The following SERHL2 variants were observed in gnomAD, a reference collection of about 807,000 sequenced individuals.
SERHL2 encodes the protein serine hydrolase like 2.
SERHL2 carries 29 observed loss-of-function variants against 25.5 expected under a neutral mutation model. The ratio of observed to expected loss-of-function variants is 1.14; its 90% CI spans 0.85 to 1.55. SERHL2 has a LOEUF of 1.55. SERHL2 is among the 40% of genes most tolerant of loss of function. The pLI, the probability that SERHL2 is intolerant of heterozygous loss-of-function variation, is 0.00. For synonymous variants in SERHL2, 95 were observed against 103.5 expected (o/e 0.92, Z 0.50); for missense variants, 240 against 252.3 (o/e 0.95, Z 0.33).
chr22:42,553,979 G>A lies in SERHL2; in HGVS notation c.-42G>A, dbSNP rs1382022606. ...TCACTCTGCTCCTGCGACCTAGCCAGGCGTGAGGGAGTGACAGCAGCGCAT... is the reference window on the plus strand; with the variant it reads ...TCACTCTGCTCCTGCGACCTAGCCAAGCGTGAGGGAGTGACAGCAGCGCAT... On this transcript the variant is annotated 5_prime_UTR_variant, in exon 1 of 12. Transcript: ENST00000327678. 3 of 1,612,590 alleles carry A rather than the reference G, an allele frequency of 1.9e-6. No homozygotes were observed. Among genetic ancestry groups the A allele is most frequent in the Non-Finnish European group, 1.7e-6 (2 of 1,179,074 alleles).
intron 10 of SERHL2, chr22:42,571,488 C>T (rs1021016155): frequency 6.4e-6 from 8 of 1,250,670 alleles, no homozygotes; most frequent in Admixed American, 3.3e-5. Context: ...CCAGTGAGCC[C>T]AGTCTCGGCT....
chr22:42,554,192 C>T (rs940168304), intron 1 of SERHL2, 150 bp downstream of exon 1: 3 of 974,570 alleles, frequency 3.1e-6, no homozygotes, highest in African/African-American at 1.6e-5. Flanking sequence ...GGCATGAGAG[C>T]GCGACCGGCC....
chr22:42,553,982 G>T lies in SERHL2; in HGVS notation c.-39G>T. 2 of 1,612,734 alleles carry T rather than the reference G, an allele frequency of 1.2e-6. No individual in the cohort carries two copies. The highest frequency in any genetic ancestry group is 1.7e-6 in the Non-Finnish European group (2 of 1,179,176). Reference sequence around the variant, plus strand: ...CTCTGCTCCTGCGACCTAGCCAGGCGTGAGGGAGTGACAGCAGCGCATTCG... The same window carrying T: ...CTCTGCTCCTGCGACCTAGCCAGGCTTGAGGGAGTGACAGCAGCGCATTCG... On this transcript the variant is annotated 5_prime_UTR_variant, in exon 1 of 12. Transcript: ENST00000327678.
chr22:42,568,477 C>T (rs1054852289), intron 9 of SERHL2, among the ~76,000 whole-genome samples: 1 of 151,842 alleles, frequency 6.6e-6, no homozygotes, highest in African/African-American at 2.4e-5. Context: ...TTGGAGATGC[C>T]CCCTTCCCTG....
At chr22:42,570,924 G>T (rs1924081807) in intron 9 of SERHL2, among the ~76,000 whole-genome samples, 197 bp from the exon 10 acceptor site, 2 of 152,016 alleles carry the variant, frequency 1.3e-5, no homozygotes, top group Non-Finnish European at 1.5e-5. Flanking sequence ...AACAGACTTG[G>T]AGAGGGCAGG....
At position 42,573,945 on chromosome 22, in the gene SERHL2, T is replaced by A. The variant is rs746794758; in HGVS notation, c.835T>A (p.Phe279Ile). ...CCCCTCCCCTCTCCAGCAGTTCCAG[T>A]TTGTGGAAGTCCCAGGCAATCACTG... ...MKSTLKEQFQ[F>I]VEVPGNHCVH... The change falls in exon 12 of 12, where the codon TTT becomes ATT. Residue 279 changes from phenylalanine (F) to isoleucine (I), a missense_variant. Transcript: ENST00000327678. The A allele has an allele frequency of 7.0e-7, 1 of 1,435,682 alleles. No individual in the cohort carries two copies. Among genetic ancestry groups the A allele is most frequent in the Admixed American group, 1.7e-5 (1 of 57,206 alleles). The allele number at this position is 1,435,682 out of a possible 1,614,324, so 88.9% of individuals were successfully genotyped here.
intron 7 of SERHL2, 28 bp from the exon 8 acceptor site, chr22:42,560,158 C>G (rs1044653513): frequency 6.4e-7 from 1 of 1,571,726 alleles, no homozygotes; most frequent in East Asian, 2.2e-5. Flanking sequence ...GGCCTCCAGG[C>G]ACCCAGCATC....
At chr22:42,559,975 C>T (rs1601833108) in intron 7 of SERHL2, among the ~76,000 whole-genome samples, 1 of 151,832 alleles carries the variant, frequency 6.6e-6, no homozygotes, top group South Asian at 2.1e-4. Flanking sequence ...CCATGTCCAG[C>T]TAAGTTTTGT....
At chr22:42,560,520 C>T (rs1001690104) in intron 8 of SERHL2, among the ~76,000 whole-genome samples, 1 of 151,824 alleles carries the variant, frequency 6.6e-6, no homozygotes, top group East Asian at 1.9e-4. Flanking sequence ...GGTCAGGTGT[C>T]TTGGACTAAA....
chr22:42,560,126 T>G (rs923701869), intron 7 of SERHL2, 60 bp from the exon 8 acceptor site: 1 of 1,360,530 alleles, frequency 7.4e-7, no homozygotes, highest in Non-Finnish European at 1.1e-6. Flanking sequence ...TCCTCTCCTT[T>G]TTATCTGACC....
rs1924696046 is a variant in SERHL2, at chr22:42,574,306, A to C, written c.*251A>C. The stretch of plus-strand genomic sequence containing the variant: ...AATAAATATCCAGCCAGCTGGAGGA[A>C]GGAAGGGCAGGCTGGGCCCACCTAG... On this transcript the variant is annotated 3_prime_UTR_variant, in exon 12 of 12. Coordinates refer to ENST00000327678, the MANE Select transcript of SERHL2 (RefSeq NM_014509.5). The C allele has an allele frequency of 1.8e-6, 1 of 540,916 alleles. No individual in the cohort carries two copies. Among genetic ancestry groups the C allele is most frequent in the Non-Finnish European group, 3.3e-6 (1 of 305,626 alleles). The allele number at this position is 540,916 out of a possible 1,614,324, so 33.5% of individuals were successfully genotyped here.
At chr22:42,566,859 T>C (rs866295934) in intron 9 of SERHL2, among the ~76,000 whole-genome samples, 442 of 152,380 alleles carry the variant, frequency 2.9e-3, no homozygotes, top group African/African-American at 9.7e-3. Flanking sequence ...CTTGTATTAA[T>C]AGAAACTTGG....
intron 9 of SERHL2, among the ~76,000 whole-genome samples, chr22:42,568,346 A>ACAGCTAGTTATTG (rs137042): frequency 7.0e-6 from 1 of 141,870 alleles, no homozygotes; most frequent in African/African-American, 2.7e-5. Context: ...TTCTAGATGA[A>ACAGCTAGTTATTG]CAATACCAGC....
At chr22:42,566,527 G>C (rs939541503) in intron 9 of SERHL2, among the ~76,000 whole-genome samples, 189 bp downstream of exon 9, 1 of 150,378 alleles carries the variant, frequency 6.6e-6, no homozygotes, top group African/African-American at 2.5e-5. Flanking sequence ...CTGCACTGCA[G>C]CCTGGGCGAC....
chr22:42,572,537 G>C lies in SERHL2; in HGVS notation c.825+8G>C, dbSNP rs549923440. On this transcript the variant is annotated splice_region_variant and intron_variant, in intron 11 of 11. Transcript: ENST00000327678. ...AAATCCACCCTCAAAGAGGTAAGAC[G>C]GGGCTCAGGCAGCTGGTGTCCAGCC... 1.9e-6 allele frequency: 3 copies of C among 1,610,852 alleles called. 1 individual carries two copies. The highest frequency in any genetic ancestry group is 1.1e-5 in the South Asian group (1 of 90,952).
intron 11 of SERHL2, chr22:42,573,623 T>TTTCTCACGGGTACCTCTTCTGATA (rs1924580826): frequency 6.3e-6 from 2 of 318,892 alleles, no homozygotes; most frequent in Middle Eastern, 9.9e-4. Flanking sequence ...CTCATTATCT[T>TTTCTCACGGGTACCTCTTCTGATA]TTCTCACGGG....
chr22:42,570,531 C>G (rs546708227), intron 9 of SERHL2, among the ~76,000 whole-genome samples: 6 of 152,316 alleles, frequency 3.9e-5, no homozygotes, highest in African/African-American at 1.4e-4. Context: ...TTTTCCAAAT[C>G]CAGCTTCGTG....
rs750679737 is a variant in SERHL2 at position 42,572,444 on chromosome 22, A to G, written c.740A>G (p.His247Arg). 6.2e-7 allele frequency: 1 copy of G among 1,609,940 alleles called. No homozygotes were observed. The highest frequency in any genetic ancestry group is 1.1e-5 in the South Asian group (1 of 90,946). Residue 247 changes from histidine to arginine, a missense_variant, in exon 11 of 12, where the codon CAC (histidine) becomes CGC (arginine). Physicochemically the swap from His to Arg is conservative, Grantham distance 29. Coordinates refer to ENST00000327678, the MANE Select transcript of SERHL2 (RefSeq NM_014509.5). ...AACTCCTCACTTTCCAGAGCAGTCC[A>G]CGGATATTTTGATTCAAGACAGAAT... The part of the protein sequence containing the change: ...QAHVLLIKAV[H>R]GYFDSRQNYS...
rs544745589 is a variant in SERHL2 at position 42,570,188 on chromosome 22, G to A, written c.649-933G>A. 3.0e-4 allele frequency among the ~76,000 whole-genome samples: 46 copies of A among 152,086 alleles called. 1 individual carries two copies. Among genetic ancestry groups the A allele is most frequent in the African/African-American group, 9.6e-4 (40 of 41,562 alleles). ...TGTAATCCCAGAACTTTGGGAGTCC[G>A]AGGCAGACAGATCACCTGAGGTCAG... On this transcript the variant is annotated intron_variant, in intron 9 of 11. Coordinates refer to ENST00000327678, the MANE Select transcript of SERHL2 (RefSeq NM_014509.5).
Sources: allele counts gnomAD v4.1 joint callset (sites outside exome capture counted in the v4.1 genomes callset), GRCh38; gene constraint gnomAD v4.1.1; transcripts MANE v1.5; gene names NCBI Gene and HGNC (gene_info 2026-07-23, HGNC 2026-07-21).